The following RPP38 variants were observed in gnomAD, a reference collection of about 807,000 sequenced individuals.
The protein encoded by RPP38 is ribonuclease P protein subunit p38.
In RPP38, 2 loss-of-function variants were observed where a neutral mutation model predicts 1.7. The observed-to-expected ratio is 1.18, with a 90% CI of 0.48 to 3.70. The LOEUF is 3.70. Ranked by LOEUF, RPP38 falls within the 30% of genes most tolerant of loss-of-function variation. The pLI is 0.07. For missense variants in RPP38, 358 were observed against 340.1 expected, an observed-to-expected ratio of 1.05 and a Z score of -0.41; for synonymous variants, 151 against 131.8, an observed-to-expected ratio of 1.15 and a Z score of -1.00.
At chr10:15,102,875 C>T (rs561599939) in intron 2 of RPP38, 2 of 153,840 alleles carry the variant, frequency 1.3e-5, no homozygotes, top group Non-Finnish European at 2.9e-5. Context: ...TATAATCAGG[C>T]TTGCTCTAGC....
At chr10:15,103,201 AATAC>A (rs1166630316) in intron 2 of RPP38, 100 bp from the exon 3 acceptor site, 18 of 1,101,052 alleles carry the variant, frequency 1.6e-5, no homozygotes, top group South Asian at 1.2e-4. Flanking sequence ...TCAAAAAATA[AATAC>A]ATAAATAAAT....
At chr10:15,100,685 CT>C (rs772202998) in intron 1 of RPP38, among the ~76,000 whole-genome samples, 7,513 of 143,496 alleles carry the variant, frequency 0.052, 209 homozygotes, top group East Asian at 0.066. Context: ...ACGAGGGCAA[CT>C]TTTTTTTTTT....
At position 15,103,909 on chromosome 10, in the gene RPP38, A is replaced by G; in HGVS notation, c.595A>G (p.Arg199Gly). 6.2e-7 allele frequency: 1 copy of G among 1,614,214 alleles called. No individual in the cohort carries two copies. The highest frequency in any genetic ancestry group is 8.5e-7 in the Non-Finnish European group (1 of 1,180,030). ...GGACGAAGTAAGAGCCATCATCCCC[A>G]GAGTCCCCAGTTTAAGTGTACCATG... ...FVDEVRAIIP[R>G]VPSLSVPWLQ... The change falls in exon 3 of 3, where the codon AGA becomes GGA. Residue 199 changes from arginine to glycine, a missense_variant. By Grantham distance (125) the Arg-to-Gly change is moderately radical (BLOSUM62 -2). Transcript: ENST00000378197.
At chr10:15,103,216 A>C in intron 2 of RPP38, 89 bp from the exon 3 acceptor site, 1 of 1,179,366 alleles carries the variant, frequency 8.5e-7, no homozygotes, top group Non-Finnish European at 1.2e-6. Context: ...ATAAATAAAT[A>C]AGAATCAGAG....
intron 1 of RPP38, among the ~76,000 whole-genome samples, chr10:15,100,608 G>T (rs7089064): frequency 0.04 from 6,150 of 152,052 alleles, 402 homozygotes; most frequent in African/African-American, 0.14. Context: ...CCTTTCTCGG[G>T]GCTGTCCAGT....
At position 15,103,659 on chromosome 10, in the gene RPP38, T is replaced by C. The variant is rs765810421; in HGVS notation, c.345T>C (p.Ile115=). The C allele has an allele frequency of 6.2e-7, 1 of 1,613,966 alleles. No individual in the cohort carries two copies. Among genetic ancestry groups the C allele is most frequent in the African/African-American group, 1.3e-5 (1 of 74,912 alleles). The change falls in exon 3 of 3, where the codon ATT becomes ATC. Residue 115 remains isoleucine, a synonymous_variant. Coordinates refer to ENST00000378197, the MANE Select transcript of RPP38 (RefSeq NM_183005.5). ...TPAHVRKQLA[I]GVNEVTRALE... Reference sequence around the variant, plus strand: ...CACACGTCAGGAAGCAGCTTGCCATTGGCGTTAACGAAGTTACCAGAGCCC... The same window carrying C: ...CACACGTCAGGAAGCAGCTTGCCATCGGCGTTAACGAAGTTACCAGAGCCC...
At chr10:15,101,747 AGGCGT>A (rs964321032) in intron 1 of RPP38, among the ~76,000 whole-genome samples, 1 of 152,016 alleles carries the variant, frequency 6.6e-6, no homozygotes, top group Non-Finnish European at 1.5e-5. Flanking sequence ...AAAATTAGCC[AGGCGT>A]GGTGTTGGGC....
chr10:15,104,242 G>C lies in RPP38; in HGVS notation c.*76G>C. On this transcript the variant is annotated 3_prime_UTR_variant, in exon 3 of 3. Transcript: ENST00000378197. ...AGAAGCCTTGAAACTAATAAAATGA[G>C]TTATACTTACATAGATTCATAGGGT... The C allele has an allele frequency of 7.2e-7, 1 of 1,388,862 alleles. No homozygotes were observed. Among genetic ancestry groups the C allele is most frequent in the South Asian group, 1.4e-5 (1 of 69,172 alleles). 86.0% of individuals were successfully genotyped at this position (1,388,862 alleles called of 1,614,324 possible).
intron 1 of RPP38, among the ~76,000 whole-genome samples, chr10:15,100,766 C>T (rs184903406): frequency 7.9e-5 from 12 of 152,070 alleles, no homozygotes; most frequent in Middle Eastern, 3.4e-3. Flanking sequence ...CTACAACCTC[C>T]GTCTCCTGGA....
At chr10:15,098,226 G>GTTTTTTTGTT (rs1845001515) in intron 1 of RPP38, among the ~76,000 whole-genome samples, 1 of 88,010 alleles carries the variant, frequency 1.1e-5, no homozygotes, top group Non-Finnish European at 2.1e-5. Flanking sequence ...ATTTGAACGT[G>GTTTTTTTGTT]TTTTTTTTTT....
At position 15,103,641 on chromosome 10, in the gene RPP38, C is replaced by G. The variant is rs1245096779; in HGVS notation, c.327C>G (p.Val109=). The G allele has an allele frequency of 6.2e-7, 1 of 1,614,054 alleles. No individual in the cohort carries two copies. ...TGTCAGGGTGGACGCCTGCACACGT[C>G]AGGAAGCAGCTTGCCATTGGCGTTA... The part of the protein sequence containing the change: ...QQVSGWTPAH[V]RKQLAIGVNE... The change falls in exon 3 of 3, where the codon GTC becomes GTG. Residue 109 remains valine, a synonymous_variant. Coordinates refer to ENST00000378197, the MANE Select transcript of RPP38 (RefSeq NM_183005.5).
chr10:15,099,710 C>G (rs554612845), intron 1 of RPP38, among the ~76,000 whole-genome samples: 1 of 152,240 alleles, frequency 6.6e-6, no homozygotes, highest in East Asian at 1.9e-4. Flanking sequence ...AACTCCTGAC[C>G]TCAAGTGATC....
rs1014381614 is a variant in RPP38 at position 15,097,719 on chromosome 10, A to G, written c.-177A>G. On this transcript the variant is annotated 5_prime_UTR_variant, in exon 1 of 3. Coordinates refer to ENST00000378197, the MANE Select transcript of RPP38 (RefSeq NM_183005.5). ...TGTTCTCCACGGTCTCCAAGGAGAC[A>G]CGGACAACAGAACAACACTTCCGTG... The G allele has an allele frequency of 1.3e-5, 2 of 152,324 alleles. No individual in the cohort carries two copies. The highest frequency in any genetic ancestry group is 2.9e-5 in the Non-Finnish European group (2 of 68,106). 9.4% of individuals were successfully genotyped at this position (152,324 alleles called of 1,614,324 possible).
Position 15,097,520 on chromosome 10 carries a change from T to C in RPP38, c.-376T>C, listed in dbSNP as rs1331932837. On this transcript the variant is annotated 5_prime_UTR_variant, in exon 1 of 3. Coordinates refer to ENST00000378197, the MANE Select transcript of RPP38 (RefSeq NM_183005.5). ...CGCGCGCACGCAGGGTCTCTGCTGC[T>C]TCCCCAACGCCTGTTGCGTGGCCGC... 6.6e-6 allele frequency: 1 copy of C among 152,278 alleles called. No individual in the cohort carries two copies. The highest frequency in any genetic ancestry group is 1.5e-5 in the Non-Finnish European group (1 of 68,080). 9.4% of individuals were successfully genotyped at this position (152,278 alleles called of 1,614,324 possible). A position where few individuals can be genotyped will look rare whatever the true frequency, so the allele number is the denominator to read the frequency against.
At chr10:15,103,173 CA>C in intron 2 of RPP38, 131 bp from the exon 3 acceptor site, 1 of 835,754 alleles carries the variant, frequency 1.2e-6, no homozygotes, top group South Asian at 2.0e-5. Flanking sequence ...GCCTGGGCAA[CA>C]AGAGTGAAAT....
chr10:15,100,882 C>T (rs965204731), intron 1 of RPP38, among the ~76,000 whole-genome samples: 1 of 152,110 alleles, frequency 6.6e-6, no homozygotes, highest in African/African-American at 2.4e-5. Context: ...GGGATTTCGC[C>T]ATATTGGCCA....
At chr10:15,099,155 G>A (rs561195213) in intron 1 of RPP38, among the ~76,000 whole-genome samples, 1 of 152,348 alleles carries the variant, frequency 6.6e-6, no homozygotes, top group South Asian at 2.1e-4. Context: ...GCCTGCGGCT[G>A]AGGGTGGGAG....
Position 15,104,030 on chromosome 10 carries a change from TG to T in RPP38, c.717del (p.Ser240GlnfsTer15), listed in dbSNP as rs1226547562. 5 of 1,614,062 alleles carry T rather than the reference TG, an allele frequency of 3.1e-6. No individual in the cohort carries two copies. The highest frequency in any genetic ancestry group is 4.2e-6 in the Non-Finnish European group (5 of 1,180,046). On this transcript the variant is annotated frameshift_variant, in exon 3 of 3. Coordinates refer to ENST00000378197, the MANE Select transcript of RPP38 (RefSeq NM_183005.5). LOFTEE classifies it high-confidence loss of function. ...CTTTTGGACACTTCATTTGAAGATC[TG>T]TCAAAACCTAAGAGAAAGCTTGCTG... ...RELLDTSFED[L>X]SKPKRKLADG...
Position 15,100,695 on chromosome 10 carries a change from T to G in RPP38, c.-129-1523T>G, listed in dbSNP as rs1845085193. The stretch of plus-strand genomic sequence containing the variant: ...GATTCACGAGGGCAACTTTTTTTTT[T>G]TTTTTGATATGGAGTCTTGCTGTCG... On this transcript the variant is annotated intron_variant, in intron 1 of 2. Transcript: ENST00000378197. Among the ~76,000 whole-genome samples the G allele has an allele frequency of 2.6e-5, 4 of 152,072 alleles. No homozygotes were observed. The South Asian group carries it at 6.2e-4, about 24-fold the overall frequency.
Sources: gnomAD v4.1 joint callset for allele counts (sites outside exome capture counted in the v4.1 genomes callset) on GRCh38, gnomAD v4.1.1 for gene constraint, MANE v1.5 for transcripts, NCBI Gene and HGNC (gene_info 2026-07-23, HGNC 2026-07-21) for gene names.